Variants in OXCT1 observed in about 807,000 individuals in gnomAD.
OXCT1 encodes the protein succinyl-CoA:3-ketoacid coenzyme A transferase 1, mitochondrial.
Under a neutral mutation model 69.6 loss-of-function variants are expected in OXCT1, and 27 were observed. The observed-to-expected ratio is 0.39, with a 90% CI of 0.29 to 0.54. The LOEUF (loss-of-function observed/expected upper bound fraction) is 0.54, where lower values mean the gene tolerates loss of function less well. Among genes scored for constraint, OXCT1 ranks in the 20% least tolerant of loss-of-function variants. The pLI is 0.72. For missense variants in OXCT1, 437 were observed against 650.2 expected (o/e 0.67, Z 3.57); for synonymous variants, 202 against 217.8 (o/e 0.93, Z 0.64).
At chr5:41,825,446 C>T (rs557134739) in intron 7 of OXCT1, among the ~76,000 whole-genome samples, 2 of 152,282 alleles carry the variant, frequency 1.3e-5, no homozygotes, top group African/African-American at 4.8e-5. Flanking sequence ...GAACTGTTAA[C>T]TGTTTTAAAA....
chr5:41,760,617 C>T (rs148144036), intron 14 of OXCT1, among the ~76,000 whole-genome samples: 1 of 152,180 alleles, frequency 6.6e-6, no homozygotes, highest in Non-Finnish European at 1.5e-5. Flanking sequence ...CTTCGTGTGT[C>T]AATATTAAGG....
intron 5 of OXCT1, among the ~76,000 whole-genome samples, chr5:41,849,586 A>G (rs1367660594): frequency 6.6e-6 from 1 of 152,250 alleles, no homozygotes; most frequent in Non-Finnish European, 1.5e-5. Flanking sequence ...CTATTCTATC[A>G]TAACAGTTCC....
intron 13 of OXCT1, among the ~76,000 whole-genome samples, chr5:41,791,424 T>C (rs1745911001): frequency 6.6e-6 from 1 of 152,198 alleles, no homozygotes; most frequent in African/African-American, 2.4e-5. Flanking sequence ...TTGAGAAAAG[T>C]ATAAAGTAAT....
intron 3 of OXCT1, 129 bp from the exon 4 acceptor site, chr5:41,853,683 C>G: frequency 9.8e-7 from 1 of 1,025,240 alleles, no homozygotes; most frequent in Non-Finnish European, 1.5e-6. Context: ...GATCCACATT[C>G]TTAGTCTCCC....
chr5:41,777,424 C>A (rs1394765250), intron 13 of OXCT1, among the ~76,000 whole-genome samples: 2 of 151,940 alleles, frequency 1.3e-5, no homozygotes, highest in East Asian at 1.9e-4. Flanking sequence ...TTAAAAAAAA[C>A]CGTTCAATGA....
At chr5:41,856,664 T>A (rs1561133253) in intron 3 of OXCT1, among the ~76,000 whole-genome samples, 1 of 152,148 alleles carries the variant, frequency 6.6e-6, no homozygotes, top group Non-Finnish European at 1.5e-5. Flanking sequence ...CCCCTAGCCT[T>A]CAAATGCTGA....
Position 41,749,584 on chromosome 5 carries a change from C to T in OXCT1, c.1362G>A (p.Glu454=). 2 of 1,608,202 alleles carry T rather than the reference C, an allele frequency of 1.2e-6. No homozygotes were observed. Among genetic ancestry groups the T allele is most frequent in the Non-Finnish European group, 1.7e-6 (2 of 1,175,554 alleles). The change falls in exon 15 of 17, where the codon GAG becomes GAA. Residue 454 remains glutamate (E), a synonymous_variant. Transcript: ENST00000196371. ...TTCCAGTCAATGGTAATGTACATTT[C>T]TCCATGATTTTATGTGCATTTCCCT... The part of the protein sequence containing the change: ...SAKGNAHKIM[E]KCTLPLTGKQ...
intron 16 of OXCT1, among the ~76,000 whole-genome samples, chr5:41,733,878 A>AT (rs1742760793): frequency 6.6e-6 from 1 of 152,236 alleles, no homozygotes; most frequent in Non-Finnish European, 1.5e-5. Context: ...CGTGATCTGC[A>AT]GGCTAAGCAC....
At chr5:41,784,064 G>A (rs142003267) in intron 13 of OXCT1, among the ~76,000 whole-genome samples, 100 of 152,070 alleles carry the variant, frequency 6.6e-4, no homozygotes, top group African/African-American at 2.2e-3. Flanking sequence ...TGTTCCTTTC[G>A]GATCTTAATC....
rs1008481293 is a variant in OXCT1, at chr5:41,870,037, G to T, written c.78+244C>A. On this transcript the variant is annotated intron_variant, in intron 1 of 16. Transcript: ENST00000196371. This position sits in a 1 kb window ranked among gnomAD's most constrained non-coding sequence, Gnocchi z 4.2. ...TCCCGCCCCTTCTCAGCCTCTCCGC[G>T]CGCTTCTTTATCGCGTCTCGCTCCA... The T allele has an allele frequency of 1.8e-6, 1 of 541,604 alleles. No individual in the cohort carries two copies. Among genetic ancestry groups the T allele is most frequent in the Admixed American group, 3.1e-5 (1 of 32,586 alleles). 33.5% of individuals were successfully genotyped at this position (541,604 alleles called of 1,614,324 possible).
chr5:41,827,054 C>T (rs1579821557), intron 7 of OXCT1, among the ~76,000 whole-genome samples: 1 of 152,152 alleles, frequency 6.6e-6, no homozygotes, highest in Non-Finnish European at 1.5e-5. Flanking sequence ...CTCTCCACCA[C>T]TCAAGTCCAA....
chr5:41,741,917 T>A (rs995825668), intron 15 of OXCT1, among the ~76,000 whole-genome samples: 8 of 152,230 alleles, frequency 5.3e-5, no homozygotes, highest in African/African-American at 1.9e-4. Context: ...CAATTAAATT[T>A]TTTTAAAATG....
intron 15 of OXCT1, 90 bp from the exon 16 acceptor site, chr5:41,739,581 C>A: frequency 9.8e-7 from 1 of 1,023,934 alleles, no homozygotes; most frequent in Non-Finnish European, 1.5e-6. Context: ...GCAAGTTCGA[C>A]GAGGTCGGGT....
In OXCT1 at chr5:41,801,125, T is replaced by C. The variant is rs759357237; in HGVS notation, c.1051-55A>G. Reference sequence around the variant, plus strand: ...AAATGAAGATTCTCACTGAATCACATATTAGAACTATAATATAAATAACTT... The same window carrying C: ...AAATGAAGATTCTCACTGAATCACACATTAGAACTATAATATAAATAACTT... On this transcript the variant is annotated intron_variant, in intron 10 of 16. Transcript: ENST00000196371. 2.8e-5 allele frequency: 35 copies of C among 1,265,356 alleles called. No homozygotes were observed. In the Admixed American group the frequency reaches 2.9e-4, roughly 10 times the overall value. The allele number at this position is 1,265,356 out of a possible 1,614,324, so 78.4% of individuals were successfully genotyped here. A position where few individuals can be genotyped will look rare whatever the true frequency, so the allele number is the denominator to read the frequency against.
chr5:41,743,631 T>C lies in OXCT1; in HGVS notation c.1420-4140A>G, dbSNP rs147495623. 7.9e-3 allele frequency among the ~76,000 whole-genome samples: 1,211 copies of C among 152,358 alleles called. 17 individuals carry two copies. The highest frequency in any genetic ancestry group is 0.028 in the African/African-American group (1,149 of 41,576). ...GTTTTAGGTCTAACATTTAACTCTT[T>C]AATCCATCTTGAATTAATTTTTGTA... On this transcript the variant is annotated intron_variant, in intron 15 of 16. Transcript: ENST00000196371.
chr5:41,826,533 A>C (rs1747814325), intron 7 of OXCT1, among the ~76,000 whole-genome samples: 1 of 152,158 alleles, frequency 6.6e-6, no homozygotes, highest in Admixed American at 6.5e-5. Flanking sequence ...AACCCATGAA[A>C]TAAGCAAACA....
At chr5:41,774,175 A>T (rs955878325) in intron 13 of OXCT1, among the ~76,000 whole-genome samples, 1 of 152,208 alleles carries the variant, frequency 6.6e-6, no homozygotes, top group Admixed American at 6.5e-5. Flanking sequence ...AAGAAAACAC[A>T]TTCTGTTGAT....
chr5:41,801,032 G>A lies in OXCT1; in HGVS notation c.1089C>T (p.Leu363=), dbSNP rs1746399038. The A allele has an allele frequency of 6.2e-7, 1 of 1,612,468 alleles. No homozygotes were observed. The highest frequency in any genetic ancestry group is 8.5e-7 in the Non-Finnish European group (1 of 1,178,574). ...AATAAGTGAGCTTACCTGCATTGAT[G>A]AGATCTGCATCAGCTTCATGTTGTC... is the stretch of plus-strand genomic sequence containing the variant. The part of the protein sequence containing the change: ...YPRQHEADAD[L]INAGKETVTI... The change falls in exon 11 of 17, where the codon CTC becomes CTT. Residue 363 remains leucine, a synonymous_variant. Coordinates refer to ENST00000196371, the MANE Select transcript of OXCT1 (RefSeq NM_000436.4).
At chr5:41,796,325 C>G (rs4957422) in intron 11 of OXCT1, among the ~76,000 whole-genome samples, 1 of 152,170 alleles carries the variant, frequency 6.6e-6, no homozygotes, top group African/African-American at 2.4e-5. Flanking sequence ...GCTCACATAC[C>G]ACTGTGCCAA....
Sources: gnomAD v4.1 joint callset for allele counts (sites outside exome capture counted in the v4.1 genomes callset) on GRCh38, gnomAD v4.1.1 for gene constraint, Gnocchi (gnomAD v3.1) non-coding constraint, MANE v1.5 for transcripts, NCBI Gene and HGNC (gene_info 2026-07-23, HGNC 2026-07-21) for gene names.